CUX2: variants seen among roughly 807,000 people sequenced by gnomAD.
CUX2 encodes the protein cut like homeobox 2.
In CUX2, 40 loss-of-function variants were observed where a neutral mutation model predicts 144.8. The observed-to-expected ratio is 0.28, with a 90% CI of 0.21 to 0.36. The LOEUF (loss-of-function observed/expected upper bound fraction) is 0.36. Among genes scored for constraint, CUX2 ranks in the 10% least tolerant of loss-of-function variants. The pLI is 1.00. For synonymous variants in CUX2, 827 were observed against 875.6 expected (o/e 0.94, Z 0.98); for missense variants, 1,615 against 1,994.0 (o/e 0.81, Z 3.62).
chr12:111,150,136 C>T (rs976583146), intron 1 of CUX2, among the ~76,000 whole-genome samples: 5 of 152,214 alleles, frequency 3.3e-5, no homozygotes, highest in East Asian at 3.8e-4. Context: ...ACATTCCCAG[C>T]GCCCTGGCAC....
Position 111,034,183 on chromosome 12 carries a change from C to T in CUX2, c.6C>T (p.Ala2=), listed in dbSNP as rs1452102872. Residue 2 remains alanine, a synonymous_variant, in exon 1 of 22, where the codon GCC becomes GCT. Transcript: ENST00000261726. This position sits in a 1 kb window ranked among gnomAD's most constrained non-coding sequence, Gnocchi z 4.2. M[A]ANVGSMFQYW... ...GCGTCTCGATAGCCCCCAAGATGGC[C>T]GCCAATGTGGGATCGATGTTTCAAT... 2 of 1,401,054 alleles carry T rather than the reference C, an allele frequency of 1.4e-6. No homozygotes were observed. Among genetic ancestry groups the T allele is most frequent in the African/African-American group, 3.0e-5 (2 of 66,414 alleles). 86.8% of individuals were successfully genotyped at this position (1,401,054 alleles called of 1,614,324 possible).
intron 1 of CUX2, among the ~76,000 whole-genome samples, chr12:111,129,198 C>A (rs748032003): frequency 2.0e-5 from 3 of 152,214 alleles, no homozygotes; most frequent in Non-Finnish European, 2.9e-5. Context: ...AAATGTCTTA[C>A]CAATAAGTCT....
In CUX2 at chr12:111,082,119, A is replaced by G. The variant is rs534558640; in HGVS notation, c.63+47879A>G. On this transcript the variant is annotated intron_variant, in intron 1 of 21. Coordinates refer to ENST00000261726, the MANE Select transcript of CUX2 (RefSeq NM_015267.4). ...AGAATGTATCATTTTGCCGTTTTAA[A>G]TCAACCTTCTACAAAAGGACAGGAA... Among the ~76,000 whole-genome samples the G allele has an allele frequency of 3.8e-4, 58 of 152,318 alleles. 1 individual carries two copies. In the South Asian group the frequency reaches 0.012, roughly 32 times the overall value.
intron 2 of CUX2, 55 bp downstream of exon 2, chr12:111,214,365 C>T (rs1881414643): frequency 2.9e-6 from 3 of 1,043,130 alleles, no homozygotes; most frequent in Non-Finnish European, 4.3e-6. Context: ...GATTTCTCTC[C>T]ATTCAAACTA....
chr12:111,303,465 A>G (rs1200224591), intron 9 of CUX2, among the ~76,000 whole-genome samples: 1 of 151,654 alleles, frequency 6.6e-6, no homozygotes, highest in African/African-American at 2.4e-5. Context: ...GTGAAACCCC[A>G]CCTCTACTAA....
Position 111,293,400 on chromosome 12 carries a change from G to C in CUX2, c.437-46G>C. On this transcript the variant is annotated intron_variant, in intron 5 of 21. Transcript: ENST00000261726. This position sits in a 1 kb window ranked among gnomAD's most constrained non-coding sequence, Gnocchi z 4.5. ...TACAGAAAGCGGCTCTGGCTGCCAC[G>C]TTGCTCTCTTGGCAATGGGGGTTTT... 1 of 1,571,178 alleles carries C rather than the reference G, an allele frequency of 6.4e-7. No homozygotes were observed. Among genetic ancestry groups the C allele is most frequent in the South Asian group, 1.2e-5 (1 of 84,962 alleles).
At position 111,307,318 on chromosome 12, in the gene CUX2, G is replaced by A; in HGVS notation, c.1109+61G>A. The stretch of plus-strand genomic sequence containing the variant: ...GCTCTTCCCTGGCCAGGAGCTCTTG[G>A]CAAAGTTCATCATCTTCCTCCCTCC... On this transcript the variant is annotated intron_variant, in intron 12 of 21. Transcript: ENST00000261726. The surrounding 1 kb of genome is among the most constrained non-coding windows in gnomAD (Gnocchi z 4.1). The A allele has an allele frequency of 6.7e-7, 1 of 1,490,456 alleles. No individual in the cohort carries two copies. The highest frequency in any genetic ancestry group is 2.3e-5 in the East Asian group (1 of 44,192). The allele number at this position is 1,490,456 out of a possible 1,614,324, so 92.3% of individuals were successfully genotyped here. A position where few individuals can be genotyped will look rare whatever the true frequency, so the allele number is the denominator to read the frequency against.
At position 111,255,310 on chromosome 12, in the gene CUX2, C is replaced by A. The variant is rs1463767464; in HGVS notation, c.223-8451C>A. Among the ~76,000 whole-genome samples, 1 of 152,222 alleles carries A rather than the reference C, an allele frequency of 6.6e-6. No individual in the cohort carries two copies. Among genetic ancestry groups the A allele is most frequent in the Non-Finnish European group, 1.5e-5 (1 of 68,034 alleles). On this transcript the variant is annotated intron_variant, in intron 3 of 21. Transcript: ENST00000261726. The surrounding 1 kb of genome is among the most constrained non-coding windows in gnomAD (Gnocchi z 4.1). The stretch of plus-strand genomic sequence containing the variant: ...AACAGTAGCTATCAAAAACAAAAGT[C>A]AAACTTATTTCTTATTTAATCCCTG...
intron 1 of CUX2, among the ~76,000 whole-genome samples, chr12:111,089,945 C>T (rs1422664711): frequency 6.6e-6 from 1 of 152,206 alleles, no homozygotes; most frequent in South Asian, 2.1e-4. Flanking sequence ...GTGATGGGAG[C>T]CATGGAGGTT....
chr12:111,222,601 G>A (rs1018463570), intron 3 of CUX2, among the ~76,000 whole-genome samples: 13 of 152,312 alleles, frequency 8.5e-5, no homozygotes, highest in Admixed American at 7.2e-4. Flanking sequence ...TGTGGTCTGA[G>A]CCCCACCCTC....
intron 1 of CUX2, among the ~76,000 whole-genome samples, chr12:111,136,489 T>C (rs992842622): frequency 6.6e-6 from 1 of 152,090 alleles, no homozygotes; most frequent in Non-Finnish European, 1.5e-5. Context: ...CCAGCTGCAT[T>C]TGAGCAGCCT....
chr12:111,212,318 T>G (rs1038789075), intron 1 of CUX2, among the ~76,000 whole-genome samples: 4 of 152,188 alleles, frequency 2.6e-5, no homozygotes, highest in Non-Finnish European at 5.9e-5. Context: ...GAAGCCCCCA[T>G]GTACTTTCAA....
chr12:111,193,892 C>T (rs1254684746), intron 1 of CUX2, among the ~76,000 whole-genome samples: 1 of 152,214 alleles, frequency 6.6e-6, no homozygotes, highest in Non-Finnish European at 1.5e-5. Context: ...GGGATGGAGA[C>T]AGTCTGTCCC....
chr12:111,092,674 T>A (rs1338771867), intron 1 of CUX2, among the ~76,000 whole-genome samples: 1 of 151,962 alleles, frequency 6.6e-6, no homozygotes, highest in Admixed American at 6.6e-5. Context: ...GCTAGGAGGG[T>A]CTAAGACCTT....
At chr12:111,198,776 T>G (rs73197962) in intron 1 of CUX2, among the ~76,000 whole-genome samples, 5,944 of 152,268 alleles carry the variant, frequency 0.039, 145 homozygotes, top group South Asian at 0.088. Context: ...CTGCAGGTAC[T>G]GCACATGCAA....
chr12:111,180,934 C>T (rs575019921), intron 1 of CUX2, among the ~76,000 whole-genome samples: 4 of 152,324 alleles, frequency 2.6e-5, no homozygotes, highest in African/African-American at 7.2e-5. Flanking sequence ...AGGGAATAAA[C>T]AGCTTTTAAT....
At chr12:111,333,983 T>C (rs113566912) in intron 18 of CUX2, among the ~76,000 whole-genome samples, 5,649 of 151,854 alleles carry the variant, frequency 0.037, 266 homozygotes, top group East Asian at 0.1. Context: ...GTCAGGAGAT[T>C]GAGACCATCC....
intron 1 of CUX2, among the ~76,000 whole-genome samples, chr12:111,069,386 A>G (rs1033885044): frequency 6.6e-6 from 1 of 152,082 alleles, no homozygotes; most frequent in Non-Finnish European, 1.5e-5. Flanking sequence ...CCTTGCCCAC[A>G]GTAACTTTCC....
In CUX2 at chr12:111,057,648, T is replaced by G. The variant is rs1049058423; in HGVS notation, c.63+23408T>G. Among the ~76,000 whole-genome samples the G allele has an allele frequency of 2.0e-5, 3 of 152,156 alleles. No individual in the cohort carries two copies. Among genetic ancestry groups the G allele is most frequent in the Non-Finnish European group, 4.4e-5 (3 of 68,018 alleles). Reference sequence around the variant, plus strand: ...CCCCACTTCTGCCAGCAGCCTCCCCTTCTGCCAGAAAGAGTGACTCCCACC... The same window carrying G: ...CCCCACTTCTGCCAGCAGCCTCCCCGTCTGCCAGAAAGAGTGACTCCCACC... On this transcript the variant is annotated intron_variant, in intron 1 of 21. Transcript: ENST00000261726. This position sits in a 1 kb window ranked among gnomAD's most constrained non-coding sequence, Gnocchi z 5.1.
Sources: allele counts gnomAD v4.1 joint callset (sites outside exome capture counted in the v4.1 genomes callset), GRCh38; gene constraint gnomAD v4.1.1; non-coding constraint Gnocchi (gnomAD v3.1); transcripts MANE v1.5; gene names NCBI Gene and HGNC (gene_info 2026-07-23, HGNC 2026-07-21).